PRKG2: variants seen among roughly 807,000 people sequenced by gnomAD.
The protein encoded by PRKG2 is cGMP-dependent protein kinase 2.
Under a neutral mutation model 97.2 loss-of-function variants are expected in PRKG2, and 33 were observed. The observed-to-expected ratio is 0.34, with a 90% CI of 0.26 to 0.45. PRKG2 has a LOEUF of 0.45. Ranked by LOEUF, PRKG2 falls within the 20% of genes least tolerant of loss-of-function variation. The pLI is 1.00. For synonymous variants in PRKG2, 330 were observed against 321.8 expected, an observed-to-expected ratio of 1.03 and a Z score of -0.27; for missense variants, 638 against 900.0, an observed-to-expected ratio of 0.71 and a Z score of 3.73.
chr4:81,203,167 G>A (rs930041887), intron 2 of PRKG2, among the ~76,000 whole-genome samples: 2 of 151,824 alleles, frequency 1.3e-5, no homozygotes, highest in Non-Finnish European at 1.5e-5. Flanking sequence ...ACAAATATAA[G>A]TTTGTGCCAT....
At chr4:81,110,291 C>T (rs1743764270) in intron 15 of PRKG2, among the ~76,000 whole-genome samples, 157 bp downstream of exon 15, 1 of 151,848 alleles carries the variant, frequency 6.6e-6, no homozygotes, top group Non-Finnish European at 1.5e-5. Flanking sequence ...CCAGCAAGTT[C>T]ACTGTATGTG....
intron 17 of PRKG2, among the ~76,000 whole-genome samples, chr4:81,097,500 T>C (rs1742246374): frequency 6.6e-6 from 1 of 152,178 alleles, no homozygotes. Flanking sequence ...AGTCACCAGC[T>C]GTATTCCTAA....
intron 14 of PRKG2, among the ~76,000 whole-genome samples, chr4:81,134,602 T>C (rs1289995522): frequency 1.3e-5 from 2 of 151,770 alleles, no homozygotes; most frequent in Non-Finnish European, 2.9e-5. Context: ...TGCAAAGGAG[T>C]CATATTAGGG....
chr4:81,153,620 TA>T (rs1378623210), intron 7 of PRKG2, 23 bp downstream of exon 7: 1 of 1,516,948 alleles, frequency 6.6e-7, no homozygotes, highest in African/African-American at 1.4e-5. Flanking sequence ...CTTTTTTATT[TA>T]GTAAGTTTTA....
At position 81,204,972 on chromosome 4, in the gene PRKG2, G is replaced by C; in HGVS notation, c.76C>G (p.Leu26Val). 3 of 1,614,102 alleles carry C rather than the reference G, an allele frequency of 1.9e-6. No individual in the cohort carries two copies. Among genetic ancestry groups the C allele is most frequent in the Non-Finnish European group, 2.5e-6 (3 of 1,180,030 alleles). The change falls in exon 2 of 19, where the codon CTG becomes GTG. Residue 26 changes from leucine to valine, a missense_variant. Leu to Val is a conservative substitution (Grantham distance 32, BLOSUM62 1). This residue lies in a region of PRKG2 where 332 missense variants were observed against 421.7 expected (regional missense o/e 0.79). Coordinates refer to ENST00000264399, the MANE Select transcript of PRKG2 (RefSeq NM_006259.3). ...GHSGNLTTDA[L>V]RNKVTELERE... ...TCCAGCTCTGTCACCTTGTTCCGCA[G>C]AGCATCAGTGGTGAGGTTCCCAGAG...
chr4:81,199,255 CTAATAG>C (rs1753149818), intron 2 of PRKG2, among the ~76,000 whole-genome samples: 1 of 152,024 alleles, frequency 6.6e-6, no homozygotes. Context: ...CTGCAAACTG[CTAATAG>C]AGTAGCACTT....
intron 7 of PRKG2, 113 bp downstream of exon 7, chr4:81,153,531 C>T: frequency 1.3e-6 from 1 of 783,572 alleles, no homozygotes; most frequent in South Asian, 1.8e-5. Flanking sequence ...GGTAGAAGCT[C>T]CTTTATCTGT....
At chr4:81,090,905 TTTC>T (rs1314905756) in intron 18 of PRKG2, among the ~76,000 whole-genome samples, 3 of 152,220 alleles carry the variant, frequency 2.0e-5, no homozygotes, top group African/African-American at 7.2e-5. Flanking sequence ...CATGAAATAA[TTTC>T]TTCTCAAAAA....
rs758280225 is a variant in PRKG2 at position 81,092,394 on chromosome 4, G to C, written c.2185C>G (p.Gln729Glu). ...LKARSLPSPL[Q>E]RELKGPIDHS... ...TATAATAAATACAATACCTCTCTTT[G>C]CAAAGGTGATGGAAGGCTCCGTGCT... The change falls in exon 18 of 19, where the codon CAA (glutamine) becomes GAA (glutamate). Residue 729 changes from glutamine to glutamate, a missense_variant. Coordinates refer to ENST00000264399, the MANE Select transcript of PRKG2 (RefSeq NM_006259.3). The C allele has an allele frequency of 6.3e-7, 1 of 1,579,354 alleles. No homozygotes were observed. Among genetic ancestry groups the C allele is most frequent in the South Asian group, 1.1e-5 (1 of 88,840 alleles).
At chr4:81,181,969 C>T (rs1455573817) in intron 2 of PRKG2, among the ~76,000 whole-genome samples, 1 of 151,652 alleles carries the variant, frequency 6.6e-6, no homozygotes, top group African/African-American at 2.4e-5. Context: ...GAAACTAAAT[C>T]AAATATAAAA....
intron 17 of PRKG2, among the ~76,000 whole-genome samples, chr4:81,093,438 C>T (rs1323942685): frequency 6.6e-6 from 1 of 151,486 alleles, no homozygotes; most frequent in Non-Finnish European, 1.5e-5. Context: ...CTTTATCTTA[C>T]CCCCTTAGCA....
chr4:81,118,906 C>T (rs6849436), intron 14 of PRKG2, among the ~76,000 whole-genome samples: 41,872 of 152,006 alleles, frequency 0.28, 8,513 homozygotes, highest in African/African-American at 0.55. Context: ...GCAATCCTCC[C>T]ACCTCAGGCT....
rs1275048098 is a variant in PRKG2 at position 81,124,323 on chromosome 4, A to AT, written c.1776+10831dup. ...ATATAAACTATCTTTTCTCCTTGGG[A>AT]TAACTCTTAAGACTTTATGTTTGTT... On this transcript the variant is annotated intron_variant, in intron 14 of 18. Transcript: ENST00000264399. Among the ~76,000 whole-genome samples the AT allele has an allele frequency of 3.9e-5, 6 of 152,256 alleles. No individual in the cohort carries two copies. In the East Asian group the frequency reaches 1.2e-3, roughly 29 times the overall value.
chr4:81,105,914 G>A lies in PRKG2; in HGVS notation c.1962C>T (p.Asp654=). The change falls in exon 16 of 19, where the codon GAC becomes GAT. Residue 654 remains aspartate, a synonymous_variant. Coordinates refer to ENST00000264399, the MANE Select transcript of PRKG2 (RefSeq NM_006259.3). The part of the protein sequence containing the change: ...LTGNPPFSGV[D]QMMTYNLILK... The stretch of plus-strand genomic sequence containing the variant: ...GAATCAAATTGTAGGTCATCATTTG[G>A]TCAACCCCAGAAAAGGGTGGGCTAG... 6.2e-7 allele frequency: 1 copy of A among 1,613,500 alleles called. No homozygotes were observed.
intron 16 of PRKG2, 86 bp downstream of exon 16, chr4:81,105,727 T>A: frequency 6.6e-7 from 1 of 1,521,170 alleles, no homozygotes; most frequent in Non-Finnish European, 8.9e-7. Flanking sequence ...AAAGTAAATA[T>A]GCACCTAATT....
intron 14 of PRKG2, among the ~76,000 whole-genome samples, chr4:81,129,218 T>C (rs923967737): frequency 6.6e-6 from 1 of 152,146 alleles, no homozygotes; most frequent in African/African-American, 2.4e-5. Flanking sequence ...TGAGGAGTGT[T>C]TTATTTCCAA....
At chr4:81,176,349 C>T (rs1004096470) in intron 2 of PRKG2, among the ~76,000 whole-genome samples, 181 of 152,122 alleles carry the variant, frequency 1.2e-3, no homozygotes, top group African/African-American at 4.2e-3. Context: ...AGCTTCTAGC[C>T]GATTTTCCCT....
intron 17 of PRKG2, among the ~76,000 whole-genome samples, chr4:81,099,374 G>A (rs1462341399): frequency 6.6e-6 from 1 of 152,038 alleles, no homozygotes; most frequent in Non-Finnish European, 1.5e-5. Flanking sequence ...ATGATCAAGT[G>A]GGCTTCATCC....
chr4:81,115,620 A>C (rs1375799980), intron 14 of PRKG2, among the ~76,000 whole-genome samples: 1 of 152,208 alleles, frequency 6.6e-6, no homozygotes, highest in East Asian at 1.9e-4. Context: ...TTCATTAACA[A>C]GCCAGAAAGA....
Sources: allele counts gnomAD v4.1 joint callset (sites outside exome capture counted in the v4.1 genomes callset), GRCh38; gene constraint gnomAD v4.1.1; regional missense constraint gnomAD v4.1.1; transcripts MANE v1.5; gene names NCBI Gene and HGNC (gene_info 2026-07-23, HGNC 2026-07-21).